The following CTC1 variants were observed in gnomAD, a reference collection of about 807,000 sequenced individuals.
CTC1 encodes CST complex subunit CTC1.
A neutral mutation model predicts 136.3 loss-of-function variants in CTC1; 91 were observed. That is an observed-to-expected ratio of 0.67 (90% CI 0.56 to 0.79). The LOEUF (loss-of-function observed/expected upper bound fraction) is 0.79. Ranked by LOEUF, CTC1 falls within the 30% of genes least tolerant of loss-of-function variation. The probability of loss-of-function intolerance (pLI) is 0.00; values close to 1 mark genes in which losing one functional copy is unlikely to be tolerated. For synonymous variants in CTC1, 606 were observed against 613.8 expected (o/e 0.99, Z 0.19); for missense variants, 1,432 against 1,498.1 (o/e 0.96, Z 0.73).
Position 8,232,039 on chromosome 17 carries a change from G to A in CTC1, c.2249C>T (p.Pro750Leu). The change falls in exon 13 of 23, where the codon CCA (proline) becomes CTA (leucine). Residue 750 changes from proline to leucine, a missense_variant. Coordinates refer to ENST00000651323, the MANE Select transcript of CTC1 (RefSeq NM_025099.6). ...ALMKRNFCVPPGASPEVPKPA... is the reference protein window; with the variant it reads ...ALMKRNFCVPLGASPEVPKPA... ...CTTGGGCACCTCTGGACTTGCTCCTGGGGGGACACAAAAATTACGCTTCAT... is the reference window on the plus strand; with the variant it reads ...CTTGGGCACCTCTGGACTTGCTCCTAGGGGGACACAAAAATTACGCTTCAT... 6.3e-7 allele frequency: 1 copy of A among 1,577,928 alleles called. No individual in the cohort carries two copies.
rs899048491 is a variant in CTC1 at position 8,227,020 on chromosome 17, T to C, written c.*1160A>G. On this transcript the variant is annotated 3_prime_UTR_variant, in exon 23 of 23. Transcript: ENST00000651323. Reference sequence around the variant, plus strand: ...CCGTACGGGGTTCGAACCCGCGACCTTGGCGTTATTAGCACCACGCTCTAA... The same window carrying C: ...CCGTACGGGGTTCGAACCCGCGACCCTGGCGTTATTAGCACCACGCTCTAA... The C allele has an allele frequency of 1.3e-5, 2 of 152,240 alleles. No homozygotes were observed. The highest frequency in any genetic ancestry group is 1.3e-4 in the Admixed American group (2 of 15,272). The allele number at this position is 152,240 out of a possible 1,614,324, so 9.4% of individuals were successfully genotyped here.
chr17:8,234,068 T>C (rs1987476724), intron 10 of CTC1, among the ~76,000 whole-genome samples: 1 of 152,204 alleles, frequency 6.6e-6, no homozygotes, highest in African/African-American at 2.4e-5. Context: ...CACTATACTC[T>C]TGATCTCTCA....
Position 8,234,668 on chromosome 17 carries a change from G to C in CTC1, c.1618-13C>G. 1 of 1,600,376 alleles carries C rather than the reference G, an allele frequency of 6.2e-7. No homozygotes were observed. Among genetic ancestry groups the C allele is most frequent in the Non-Finnish European group, 8.5e-7 (1 of 1,171,684 alleles). ...GCAGCCGAGTGTACTGTCAAGGAGG[G>C]AAGAGAAATCGGGTGTGTGTCCCAT... On this transcript the variant is annotated splice_polypyrimidine_tract_variant and intron_variant, in intron 9 of 22. Transcript: ENST00000651323.
intron 7 of CTC1, 117 bp downstream of exon 7, chr17:8,235,714 A>G (rs1436306564): frequency 3.4e-6 from 4 of 1,184,800 alleles, no homozygotes; most frequent in Non-Finnish European, 4.7e-6. Flanking sequence ...AGTGCCCCCT[A>G]ACACACACTT....
chr17:8,247,452 G>C (rs1188329922), intron 1 of CTC1, among the ~76,000 whole-genome samples: 1 of 151,656 alleles, frequency 6.6e-6, no homozygotes, highest in African/African-American at 2.4e-5. Context: ...TGGAATTACA[G>C]GTGCGCGCCA....
Position 8,238,517 on chromosome 17 carries a change from T to A in CTC1, c.310A>T (p.Asn104Tyr). Reference sequence around the variant, plus strand: ...AACAGCTGCTCTCGGGGCAGGGGGTTCCCATTTGGTCCAGCCTCTTGGGCC... The same window carrying A: ...AACAGCTGCTCTCGGGGCAGGGGGTACCCATTTGGTCCAGCCTCTTGGGCC... Reference protein sequence around the residue: ...AWAQEAGPNGNPLPREQLLLL... With the variant: ...AWAQEAGPNGYPLPREQLLLL... The change falls in exon 3 of 23, where the codon AAC (asparagine) becomes TAC (tyrosine). Residue 104 changes from asparagine to tyrosine, a missense_variant. Transcript: ENST00000651323. The A allele has an allele frequency of 6.2e-7, 1 of 1,614,172 alleles. No homozygotes were observed. The highest frequency in any genetic ancestry group is 1.3e-5 in the African/African-American group (1 of 75,054).
In CTC1 at chr17:8,231,340, G is replaced by A. The variant is rs1046130813; in HGVS notation, c.2605C>T (p.Gln869Ter). The A allele has an allele frequency of 6.2e-7, 1 of 1,609,480 alleles. No homozygotes were observed. Among genetic ancestry groups the A allele is most frequent in the Admixed American group, 1.7e-5 (1 of 59,736 alleles). The change falls in exon 15 of 23, where the codon CAA becomes TAA. Residue 869 changes from glutamine to a stop codon, truncating the protein, a stop_gained. Coordinates refer to ENST00000651323, the MANE Select transcript of CTC1 (RefSeq NM_025099.6). LOFTEE classifies it high-confidence loss of function. ...TLELESSQDI[Q>*]DVLDANKSLP... ...GACTTGTTTGCATCCAGCACATCTT[G>A]GATATCCTGGGAGCTTTCAAGCTCC...
rs2151519856 is a variant in CTC1, at chr17:8,235,172, C to A, written c.1320G>T (p.Gly440=). 6.2e-7 allele frequency: 1 copy of A among 1,614,166 alleles called. No homozygotes were observed. ...CGTAGGCTTGACGGGATGAGTGAGC[C>A]CCAGGCTTCTGACGAGAGAAGCTTT... The part of the protein sequence containing the change: ...LLQSFSRQKP[G]AHSSRQAYGA... Residue 440 remains glycine (G), a synonymous_variant, in exon 8 of 23, where the codon GGG becomes GGT. Coordinates refer to ENST00000651323, the MANE Select transcript of CTC1 (RefSeq NM_025099.6).
At chr17:8,237,284 C>T in intron 5 of CTC1, 91 bp downstream of exon 5, 1 of 1,453,072 alleles carries the variant, frequency 6.9e-7, no homozygotes, top group South Asian at 1.2e-5. Flanking sequence ...GTCCTCCTTT[C>T]CTACATGGCT....
chr17:8,240,809 G>C (rs1988151968), intron 2 of CTC1, among the ~76,000 whole-genome samples: 1 of 152,084 alleles, frequency 6.6e-6, no homozygotes, highest in Non-Finnish European at 1.5e-5. Flanking sequence ...CTGGGAGGCG[G>C]AGGTTGCAGT....
At chr17:8,244,988 C>T (rs1393270032) in intron 1 of CTC1, among the ~76,000 whole-genome samples, 2 of 152,206 alleles carry the variant, frequency 1.3e-5, no homozygotes, top group Non-Finnish European at 2.9e-5. Context: ...AGATCATGTT[C>T]TCTGCTACAA....
At chr17:8,242,727 G>C (rs953631185) in intron 2 of CTC1, among the ~76,000 whole-genome samples, 1 of 151,522 alleles carries the variant, frequency 6.6e-6, no homozygotes, top group Non-Finnish European at 1.5e-5. Context: ...TCCCCACTTC[G>C]AGAGTTCTTT....
At chr17:8,236,022 G>A (rs761463927) in intron 6 of CTC1, 36 bp downstream of exon 6, 2 of 1,598,784 alleles carry the variant, frequency 1.3e-6, no homozygotes, top group Non-Finnish European at 1.7e-6. Context: ...CCACATTTCT[G>A]GCCCCTCAAG....
rs372031509 is a variant in CTC1 at position 8,238,505 on chromosome 17, G to A, written c.322C>T (p.Arg108Ter). ...GTCCCTAAAAGTAACAGCTGCTCTC[G>A]GGGCAGGGGGTTCCCATTTGGTCCA... ...EAGPNGNPLP[R>*]EQLLLLGTLT... The change falls in exon 3 of 23, where the codon CGA (arginine) becomes TGA (stop). Residue 108 changes from arginine (R) to a stop codon, truncating the protein, a stop_gained. Coordinates refer to ENST00000651323, the MANE Select transcript of CTC1 (RefSeq NM_025099.6). LOFTEE classifies it high-confidence loss of function. 7 of 1,614,154 alleles carry A rather than the reference G, an allele frequency of 4.3e-6. No homozygotes were observed. The highest frequency in any genetic ancestry group is 1.7e-5 in the Admixed American group (1 of 60,020).
rs1567600612 is a variant in CTC1 at position 8,230,353 on chromosome 17, TG to T, written c.2873del (p.Ser958TyrfsTer2). 6.2e-7 allele frequency: 1 copy of T among 1,614,040 alleles called. No homozygotes were observed. Among genetic ancestry groups the T allele is most frequent in the Non-Finnish European group, 8.5e-7 (1 of 1,179,986 alleles). On this transcript the variant is annotated frameshift_variant, in exon 17 of 23. Coordinates refer to ENST00000651323, the MANE Select transcript of CTC1 (RefSeq NM_025099.6). LOFTEE classifies it high-confidence loss of function. ...VYIEDPHLPP[S>X]LGLLPGARVH... The stretch of plus-strand genomic sequence containing the variant: ...CCCGGGCTCCTGGAAGTAGTCCTAG[TG>T]AGGGAGGCAAGTGTGGGTCTTCTAT...
At chr17:8,231,651 C>T (rs1987237413) in intron 14 of CTC1, 75 bp downstream of exon 14, 3 of 1,394,516 alleles carry the variant, frequency 2.2e-6, no homozygotes, top group Non-Finnish European at 2.0e-6. Flanking sequence ...AATGACCAGG[C>T]ACTGGCATGC....
At chr17:8,241,514 G>A (rs529260046) in intron 2 of CTC1, among the ~76,000 whole-genome samples, 1 of 150,704 alleles carries the variant, frequency 6.6e-6, no homozygotes, top group Non-Finnish European at 1.5e-5. Context: ...CAAGAGGCAG[G>A]AGAATCACTT....
In CTC1 at chr17:8,226,622, G is replaced by C. The variant is rs923291998; in HGVS notation, c.*1558C>G. The C allele has an allele frequency of 2.0e-5, 3 of 151,784 alleles. No individual in the cohort carries two copies. The highest frequency in any genetic ancestry group is 2.9e-5 in the Non-Finnish European group (2 of 68,050). The allele number at this position is 151,784 out of a possible 1,614,324, so 9.4% of individuals were successfully genotyped here. A position where few individuals can be genotyped will look rare whatever the true frequency, so the allele number is the denominator to read the frequency against. ...GAAAAAAATATGACGTAGTCGGCAG[G>C]ATTCGAACCTGCGCGGGGAGACCCC... On this transcript the variant is annotated 3_prime_UTR_variant, in exon 23 of 23. Coordinates refer to ENST00000651323, the MANE Select transcript of CTC1 (RefSeq NM_025099.6).
chr17:8,229,875 G>A lies in CTC1; in HGVS notation c.3011+16C>T. 4 of 1,610,536 alleles carry A rather than the reference G, an allele frequency of 2.5e-6. No homozygotes were observed. Among genetic ancestry groups the A allele is most frequent in the Non-Finnish European group, 3.4e-6 (4 of 1,176,744 alleles). On this transcript the variant is annotated intron_variant, in intron 18 of 22. Coordinates refer to ENST00000651323, the MANE Select transcript of CTC1 (RefSeq NM_025099.6). Reference sequence around the variant, plus strand: ...GTGAAGCCAGGAAGTTTAGGGGTTGGGGTCTGGGCACTGACCTGATGGTGG... The same window carrying A: ...GTGAAGCCAGGAAGTTTAGGGGTTGAGGTCTGGGCACTGACCTGATGGTGG...
Sources: allele counts gnomAD v4.1 joint callset (sites outside exome capture counted in the v4.1 genomes callset), GRCh38; gene constraint gnomAD v4.1.1; transcripts MANE v1.5; gene names NCBI Gene and HGNC (gene_info 2026-07-23, HGNC 2026-07-21).